Variants in ARHGEF10 observed in about 807,000 individuals in gnomAD.
ARHGEF10 encodes the protein Rho guanine nucleotide exchange factor 10, also known as Rho guanine nucleotide exchange factor (GEF) 10.
ARHGEF10 carries 140 observed loss-of-function variants against 147.4 expected under a neutral mutation model. That is an observed-to-expected ratio of 0.95 (90% CI 0.83 to 1.09). The LOEUF (loss-of-function observed/expected upper bound fraction) is 1.09, where lower values mean the gene tolerates loss of function less well. ARHGEF10 is among the 50% of genes least tolerant of loss of function. The pLI is 0.00. For synonymous variants in ARHGEF10, 902 were observed against 695.8 expected, an observed-to-expected ratio of 1.30 and a Z score of -4.67; for missense variants, 2,222 against 1,752.7, an observed-to-expected ratio of 1.27 and a Z score of -4.78.
chr8:1,919,158 C>CGTGGGTGATGGAGCTGTTCT (rs1812002745), intron 18 of ARHGEF10, among the ~76,000 whole-genome samples: 1 of 97,290 alleles, frequency 1.0e-5, no homozygotes, highest in Non-Finnish European at 2.1e-5. Context: ...GGAGCTGTTC[C>CGTGGGTGATGGAGCTGTTCT]GTGGGTGATG....
At position 1,933,879 on chromosome 8, in the gene ARHGEF10, C is replaced by A. The variant is rs768358653; in HGVS notation, c.3159C>A (p.Asp1053Glu). Residue 1053 changes from aspartate (D) to glutamate (E), a missense_variant, in exon 26 of 29, where the codon GAC becomes GAA. Transcript: ENST00000349830. Reference protein sequence around the residue: ...LPVRSLLMMEDTLWAASGGQV... With the variant: ...LPVRSLLMMEETLWAASGGQV... ...TTAGAAGTCTACTCATGATGGAAGA[C>A]ACGTTGTGGGCGGCTTCCGGAGGTC... 1 of 1,614,188 alleles carries A rather than the reference C, an allele frequency of 6.2e-7. No individual in the cohort carries two copies. The highest frequency in any genetic ancestry group is 8.5e-7 in the Non-Finnish European group (1 of 1,180,046).
upstream of ARHGEF10, among the ~76,000 whole-genome samples, chr8:1,823,797 C>G (rs1802555799): frequency 1.3e-5 from 2 of 151,514 alleles, no homozygotes; most frequent in East Asian, 2.0e-4. Context: ...CACGTGGCCT[C>G]GAAGGAATGC....
chr8:1,945,552 G>A lies in ARHGEF10; in HGVS notation c.3294G>A (p.Trp1098Ter), dbSNP rs752269994. The change falls in exon 27 of 29, where the codon TGG (tryptophan) becomes TGA (stop). Residue 1098 changes from tryptophan (W) to a stop codon, truncating the protein, a stop_gained. Transcript: ENST00000349830. LOFTEE classifies it high-confidence loss of function. ...SHMAVSGVGI[W>*]IAFTSGSTLR... ...TGGCCGTGTCCGGCGTCGGGATCTG[G>A]ATTGCCTTCACCTCAGGGTCCACGC... is the stretch of plus-strand genomic sequence containing the variant. 6.1e-5 allele frequency: 99 copies of A among 1,614,114 alleles called. No individual in the cohort carries two copies. Among genetic ancestry groups the A allele is most frequent in the Non-Finnish European group, 8.1e-5 (95 of 1,180,050 alleles).
Position 1,896,527 on chromosome 8 carries a change from A to C in ARHGEF10, c.1557+78A>C. 4.0e-6 allele frequency: 4 copies of C among 1,005,314 alleles called. No homozygotes were observed. In the South Asian group the frequency reaches 5.2e-5, roughly 13 times the overall value. 62.3% of individuals were successfully genotyped at this position (1,005,314 alleles called of 1,614,324 possible). A position where few individuals can be genotyped will look rare whatever the true frequency, so the allele number is the denominator to read the frequency against. On this transcript the variant is annotated intron_variant, in intron 14 of 28. Transcript: ENST00000349830. ...CATGTCAAAGCTTGACTCTGAATGC[A>C]GTTATTCGTTATTAAGATTTCAGTA...
rs569850805 is a variant in ARHGEF10 at position 1,900,565 on chromosome 8, C to T, written c.1650+2040C>T. Among the ~76,000 whole-genome samples the T allele has an allele frequency of 8.3e-4, 127 of 152,314 alleles. 1 individual carries two copies. In the South Asian group the frequency reaches 0.019, roughly 23 times the overall value. ...AAAGCAGCAGATGGAACACTGCAGA[C>T]GTGCGCTGTCGGACGGGCATGGCCT... On this transcript the variant is annotated intron_variant, in intron 15 of 28. Transcript: ENST00000349830.
intron 18 of ARHGEF10, among the ~76,000 whole-genome samples, chr8:1,919,768 C>A (rs897881575): frequency 6.2e-5 from 9 of 145,592 alleles, no homozygotes; most frequent in African/African-American, 2.4e-4. Context: ...AGTGATGGAG[C>A]TGTTCTATGG....
rs146113944 is a variant in ARHGEF10 at position 1,906,175 on chromosome 8, C to T, written c.1967+459C>T. ...ATAGTTTTACATCAGAATCGTTCTCCAATGCATGGAATATTGTAGTGAGAT... is the reference window on the plus strand; with the variant it reads ...ATAGTTTTACATCAGAATCGTTCTCTAATGCATGGAATATTGTAGTGAGAT... On this transcript the variant is annotated intron_variant, in intron 17 of 28. Transcript: ENST00000349830. 5.8e-4 allele frequency among the ~76,000 whole-genome samples: 89 copies of T among 152,170 alleles called. 3 individuals carry two copies. The East Asian group carries it at 0.014, about 25-fold the overall frequency.
At chr8:1,841,933 CTGGGGCCGCGACCGGAA>C (rs1804091965) in intron 1 of ARHGEF10, among the ~76,000 whole-genome samples, 1 of 88,212 alleles carries the variant, frequency 1.1e-5, no homozygotes, top group Non-Finnish European at 2.1e-5. Flanking sequence ...GCGGCGGGAA[CTGGGGCCGCGACCGGAA>C]CTGGGGCCGC....
chr8:1,879,107 C>CA (rs1260014795), intron 8 of ARHGEF10, among the ~76,000 whole-genome samples: 2 of 152,302 alleles, frequency 1.3e-5, no homozygotes, highest in East Asian at 1.9e-4. Flanking sequence ...AAAGTCATCT[C>CA]AAAAAATCTC....
intron 1 of ARHGEF10, among the ~76,000 whole-genome samples, chr8:1,838,713 C>T (rs989279045): frequency 6.6e-6 from 1 of 152,252 alleles, no homozygotes; most frequent in Admixed American, 6.5e-5. Flanking sequence ...TGCCATCTGG[C>T]GTGGAGGCCG....
intron 7 of ARHGEF10, among the ~76,000 whole-genome samples, chr8:1,872,261 G>T (rs1807188426): frequency 6.6e-6 from 1 of 152,150 alleles, no homozygotes; most frequent in South Asian, 2.1e-4. Flanking sequence ...CCAACATAAT[G>T]AATGGTTTGC....
At chr8:1,920,871 T>G (rs1256026067) in intron 18 of ARHGEF10, among the ~76,000 whole-genome samples, 2 of 150,266 alleles carry the variant, frequency 1.3e-5, no homozygotes, top group Non-Finnish European at 3.0e-5. Context: ...CATGACCTCC[T>G]CCGCCTTCCA....
chr8:1,849,599 A>AGGGCAAATGCTGAGGAGGG (rs1804855621), intron 2 of ARHGEF10, among the ~76,000 whole-genome samples: 2 of 136,354 alleles, frequency 1.5e-5, no homozygotes, highest in African/African-American at 5.7e-5. Context: ...GTGGACACAG[A>AGGGCAAATGCTGAGGAGGG]CGGCAAATGC....
intron 4 of ARHGEF10, among the ~76,000 whole-genome samples, chr8:1,862,903 C>G (rs1806263378): frequency 2.0e-5 from 3 of 151,584 alleles, no homozygotes; most frequent in African/African-American, 7.3e-5. Context: ...CTCAGCCTCC[C>G]AAGTAGCTGG....
intron 2 of ARHGEF10, among the ~76,000 whole-genome samples, chr8:1,846,868 C>A (rs1489585045): frequency 6.6e-6 from 1 of 152,238 alleles, no homozygotes; most frequent in East Asian, 1.9e-4. Flanking sequence ...TGAGCCACCA[C>A]ATGTGGCCTG....
At chr8:1,869,050 A>T (rs1183637212) in intron 6 of ARHGEF10, 144 bp from the exon 7 acceptor site, 6 of 748,800 alleles carry the variant, frequency 8.0e-6, no homozygotes, top group Non-Finnish European at 1.4e-5. Context: ...AAGAACGAAA[A>T]AGTAAAAAAT....
intron 28 of ARHGEF10, among the ~76,000 whole-genome samples, chr8:1,954,846 C>T (rs1815351344): frequency 6.6e-6 from 1 of 152,264 alleles, no homozygotes. Context: ...TTCTCTCAGC[C>T]TTGCTGGGGT....
rs916656741 is a variant in ARHGEF10 at position 1,948,543 on chromosome 8, C to T, written c.3397+2888C>T. Among the ~76,000 whole-genome samples the T allele has an allele frequency of 5.3e-5, 8 of 152,170 alleles. No individual in the cohort carries two copies. Among genetic ancestry groups the T allele is most frequent in the African/African-American group, 1.4e-4 (6 of 41,446 alleles). ...GCCTTGTCAGCAGGAGAAAGGTACA[C>T]GGGTTAGAGGCAACCTCGGTGACAC... On this transcript the variant is annotated intron_variant, in intron 27 of 28. Coordinates refer to ENST00000349830, the MANE Select transcript of ARHGEF10 (RefSeq NM_014629.4). The surrounding 1 kb of genome is among the most constrained non-coding windows in gnomAD (Gnocchi z 4.9).
At chr8:1,891,891 C>G (rs1476503524) in intron 11 of ARHGEF10, among the ~76,000 whole-genome samples, 1 of 151,318 alleles carries the variant, frequency 6.6e-6, no homozygotes, top group Non-Finnish European at 1.5e-5. Context: ...TATTCCAGAT[C>G]TTTTGACCTG....
Sources: allele counts gnomAD v4.1 joint callset (sites outside exome capture counted in the v4.1 genomes callset), GRCh38; gene constraint gnomAD v4.1.1; non-coding constraint Gnocchi (gnomAD v3.1); transcripts MANE v1.5; gene names NCBI Gene and HGNC (gene_info 2026-07-23, HGNC 2026-07-21).